Variants in ZNF292 observed in about 807,000 individuals in gnomAD.
ZNF292 encodes zinc finger protein 292, also known as 16 zinc-finger domain protein.
A neutral mutation model predicts 217.9 loss-of-function variants in ZNF292; 26 were observed. The observed-to-expected ratio is 0.12, with a 90% CI of 0.09 to 0.17. The LOEUF (loss-of-function observed/expected upper bound fraction) is 0.17. Ranked by LOEUF, ZNF292 falls within the 10% of genes least tolerant of loss-of-function variation. The pLI is 1.00. For synonymous variants in ZNF292, 1,257 were observed against 1,124.1 expected, an observed-to-expected ratio of 1.12 and a Z score of -2.37; for missense variants, 2,904 against 3,175.2, an observed-to-expected ratio of 0.91 and a Z score of 2.05.
rs187662020 is a variant in ZNF292, at chr6:87,240,005, G to T, written c.742-3470G>T. Among the ~76,000 whole-genome samples the T allele has an allele frequency of 3.6e-3, 545 of 152,224 alleles. 2 individuals carry two copies. Among genetic ancestry groups the T allele is most frequent in the African/African-American group, 0.013 (524 of 41,524 alleles). On this transcript the variant is annotated intron_variant, in intron 5 of 7. Coordinates refer to ENST00000369577, the MANE Select transcript of ZNF292 (RefSeq NM_015021.3). ...CTTTGGGAGGCCAAGGCAGGCGGCT[G>T]GGAGGTGGAGGTTGTAGCGAGCCGA...
In ZNF292 at chr6:87,246,269, A is replaced by T. The variant is rs1774577996; in HGVS notation, c.1020+625A>T. ...AACGAACAAAAAAAGAAATTTTAAA[A>T]GTATAAAGAAAAATATATAGTGCTA... On this transcript the variant is annotated intron_variant, in intron 7 of 7. Transcript: ENST00000369577. Among the ~76,000 whole-genome samples the T allele has an allele frequency of 2.0e-5, 3 of 152,234 alleles. No homozygotes were observed. The South Asian group carries it at 6.2e-4, about 32-fold the overall frequency.
At chr6:87,249,444 T>A in intron 7 of ZNF292, 1 of 273,414 alleles carries the variant, frequency 3.7e-6, no homozygotes, top group Non-Finnish European at 7.6e-6. Flanking sequence ...GCAGCCTTCT[T>A]GACAGGGATA....
At chr6:87,234,574 T>A (rs199747442) in intron 5 of ZNF292, among the ~76,000 whole-genome samples, 2,732 of 148,248 alleles carry the variant, frequency 0.018, 87 homozygotes, top group African/African-American at 0.062. Context: ...AAAAAAAAAA[T>A]TTTTTTTAAA....
At chr6:87,159,202 C>T (rs923026042) in intron 1 of ZNF292, among the ~76,000 whole-genome samples, 1 of 151,976 alleles carries the variant, frequency 6.6e-6, no homozygotes. Context: ...AAACGAAAGG[C>T]ATTAAATGTT....
At chr6:87,221,014 T>C (rs1773059690) in intron 4 of ZNF292, among the ~76,000 whole-genome samples, 1 of 152,188 alleles carries the variant, frequency 6.6e-6, no homozygotes, top group African/African-American at 2.4e-5. Flanking sequence ...ATTCGTTTGT[T>C]TATAGTGAAG....
At chr6:87,173,972 A>G in intron 1 of ZNF292, 1 of 262,954 alleles carries the variant, frequency 3.8e-6, no homozygotes, top group Non-Finnish European at 7.6e-6. Context: ...GGTTCAGGGC[A>G]GAAAATAACA....
In ZNF292 at chr6:87,253,220, C is replaced by CT. The variant is rs66511840; in HGVS notation, c.1021-1408dup. Among the ~76,000 whole-genome samples, 856 of 118,864 alleles carry CT rather than the reference C, an allele frequency of 7.2e-3. 9 individuals carry two copies. Among genetic ancestry groups the CT allele is most frequent in the Middle Eastern group, 0.016 (3 of 182 alleles). 78.0% of individuals were successfully genotyped at this position (118,864 alleles called of 152,430 possible). ...TAAACCATGAGCCACCATGCCCAGC[C>CT]TTTTTTTTTTTTTTTTTTTTTTGAG... On this transcript the variant is annotated intron_variant, in intron 7 of 7. Coordinates refer to ENST00000369577, the MANE Select transcript of ZNF292 (RefSeq NM_015021.3).
Position 87,193,290 on chromosome 6 carries a change from A to G in ZNF292, c.169-22613A>G, listed in dbSNP as rs114187891. On this transcript the variant is annotated intron_variant, in intron 1 of 7. Coordinates refer to ENST00000369577, the MANE Select transcript of ZNF292 (RefSeq NM_015021.3). The stretch of plus-strand genomic sequence containing the variant: ...AGCTGGGTATGGTGGTATTCCTGCA[A>G]TCCTAGCACTTTGGGAGGCGGAGGC... 7.5e-3 allele frequency among the ~76,000 whole-genome samples: 1,140 copies of G among 152,290 alleles called. 22 individuals are homozygous for G. The highest frequency in any genetic ancestry group is 0.025 in the African/African-American group (1,032 of 41,554).
chr6:87,163,553 G>A (rs1770821920), intron 1 of ZNF292, among the ~76,000 whole-genome samples: 1 of 152,110 alleles, frequency 6.6e-6, no homozygotes, highest in Non-Finnish European at 1.5e-5. Context: ...GAACACTAAG[G>A]TAGCTATGGA....
rs1772907609 is a variant in ZNF292, at chr6:87,218,621, A to G, written c.428A>G (p.Asn143Ser). Residue 143 changes from asparagine to serine, a missense_variant, in exon 4 of 8, where the codon AAT (asparagine) becomes AGT (serine). By Grantham distance (46) the Asn-to-Ser change is conservative. Around this residue, in one of 15 missense-constraint regions of ZNF292, gnomAD observed 313 missense variants for 451.0 expected, o/e 0.69. Coordinates refer to ENST00000369577, the MANE Select transcript of ZNF292 (RefSeq NM_015021.3). ...VQVAHEKLME[N>S]GSCELHFLAT... is the part of the protein sequence containing the mutation. ...GTAGCTCATGAAAAGCTGATGGAGA[A>G]TGGCAGCTGTGAATTGCATTTTTTA... 6.4e-7 allele frequency: 1 copy of G among 1,563,986 alleles called. No homozygotes were observed.
At chr6:87,180,300 G>A (rs1036303541) in intron 1 of ZNF292, among the ~76,000 whole-genome samples, 2 of 152,266 alleles carry the variant, frequency 1.3e-5, no homozygotes, top group Non-Finnish European at 2.9e-5. Context: ...AATTTTGTGA[G>A]TGGAGAGTGC....
At position 87,216,019 on chromosome 6, in the gene ZNF292, A is replaced by T. The variant is rs926871956; in HGVS notation, c.285A>T (p.Glu95Asp). The T allele has an allele frequency of 6.3e-7, 1 of 1,577,668 alleles. No individual in the cohort carries two copies. Among genetic ancestry groups the T allele is most frequent in the Non-Finnish European group, 8.6e-7 (1 of 1,168,088 alleles). ...AAGCCCGACCTTATCTTACCTCTGAATGTGAAAATGTAGCCTTGGTTCTGG... is the reference window on the plus strand; with the variant it reads ...AAGCCCGACCTTATCTTACCTCTGATTGTGAAAATGTAGCCTTGGTTCTGG... ...YVKARPYLTS[E>D]CENVALVLER... Residue 95 changes from glutamate to aspartate, a missense_variant, in exon 2 of 8, where the codon GAA (glutamate) becomes GAT (aspartate). By Grantham distance (45) the Glu-to-Asp change is conservative. Transcript: ENST00000369577.
At position 87,260,353 on chromosome 6, in the gene ZNF292, G is replaced by A. The variant is rs1026919399; in HGVS notation, c.6724G>A (p.Gly2242Arg). The A allele has an allele frequency of 3.7e-6, 6 of 1,613,156 alleles. No homozygotes were observed. The highest frequency in any genetic ancestry group is 2.2e-5 in the East Asian group (1 of 44,878). ...TGTTGTTCATCTAGAGGCAGACCAC[G>A]GGATTGGACTAAGGGCAAGTAAAAC... is the stretch of plus-strand genomic sequence containing the variant. The part of the protein sequence containing the change: ...NYVVHLEADH[G>R]IGLRASKTEE... Residue 2242 changes from glycine to arginine, a missense_variant, in exon 8 of 8, where the codon GGG becomes AGG. Around this residue, in one of 15 missense-constraint regions of ZNF292, gnomAD observed 55 missense variants for 99.8 expected, o/e 0.55. Transcript: ENST00000369577.
intron 1 of ZNF292, among the ~76,000 whole-genome samples, chr6:87,160,513 G>GTA (rs5878018): frequency 0.091 from 13,564 of 148,400 alleles, 646 homozygotes; most frequent in East Asian, 0.12. Context: ...GTGTGTGTGT[G>GTA]TATATATATG....
At chr6:87,227,951 G>C (rs1310536794) in intron 4 of ZNF292, among the ~76,000 whole-genome samples, 1 of 152,112 alleles carries the variant, frequency 6.6e-6, no homozygotes, top group East Asian at 1.9e-4. Flanking sequence ...GTTCTTCTGG[G>C]TATAACCAGA....
rs145297252 is a variant in ZNF292 at position 87,213,482 on chromosome 6, G to A, written c.169-2421G>A. ...TTCCTGTATTGGCTAGGGTTGGCCC[G>A]CACAGTCTAAGCTAATTCCAACTGG... On this transcript the variant is annotated intron_variant, in intron 1 of 7. Transcript: ENST00000369577. Among the ~76,000 whole-genome samples the A allele has an allele frequency of 1.2e-3, 179 of 152,226 alleles. 4 individuals are homozygous for A. In the East Asian group the frequency reaches 0.021, roughly 18 times the overall value.
intron 7 of ZNF292, among the ~76,000 whole-genome samples, chr6:87,247,287 ACGCACGTG>A (rs1562173225): frequency 2.2e-4 from 21 of 93,688 alleles, no homozygotes; most frequent in African/African-American, 1.1e-3. Flanking sequence ...ACACATGCGC[ACGCACGTG>A]CATGCATGCA....
intron 1 of ZNF292, among the ~76,000 whole-genome samples, chr6:87,164,124 T>C (rs1413760207): frequency 6.6e-6 from 1 of 152,222 alleles, no homozygotes; most frequent in African/African-American, 2.4e-5. Context: ...GCCATTTTTA[T>C]TACTGTTCAC....
At chr6:87,172,378 A>G (rs1339717770) in intron 1 of ZNF292, among the ~76,000 whole-genome samples, 1 of 152,206 alleles carries the variant, frequency 6.6e-6, no homozygotes, top group Admixed American at 6.5e-5. Flanking sequence ...AGCTCTTTTC[A>G]TCAACCTCTT....
Sources: allele counts gnomAD v4.1 joint callset (sites outside exome capture counted in the v4.1 genomes callset), GRCh38; gene constraint gnomAD v4.1.1; regional missense constraint gnomAD v4.1.1; transcripts MANE v1.5; gene names NCBI Gene and HGNC (gene_info 2026-07-23, HGNC 2026-07-21).